TRAK2: variants seen among roughly 807,000 people sequenced by gnomAD.
The protein encoded by TRAK2 is trafficking kinesin protein 2.
A neutral mutation model predicts 104.6 loss-of-function variants in TRAK2; 81 were observed. That is an observed-to-expected ratio of 0.77 (90% confidence interval 0.65 to 0.93). TRAK2 has a LOEUF of 0.93. TRAK2 is among the 40% of genes least tolerant of loss of function. The pLI is 0.00. For missense variants in TRAK2, 1,002 were observed against 1,089.0 expected, an observed-to-expected ratio of 0.92 and a Z score of 1.12; for synonymous variants, 406 against 394.4, an observed-to-expected ratio of 1.03 and a Z score of -0.35.
chr2:201,442,769 G>A (rs1374264116), intron 1 of TRAK2, among the ~76,000 whole-genome samples: 4 of 152,140 alleles, frequency 2.6e-5, no homozygotes, highest in Non-Finnish European at 5.9e-5. Flanking sequence ...GCTCCAAACT[G>A]AGAATTATGG....
intron 12 of TRAK2, 43 bp downstream of exon 12, chr2:201,389,257 T>C (rs376324005): frequency 1.3e-6 from 2 of 1,563,480 alleles, no homozygotes; most frequent in African/African-American, 2.7e-5. Flanking sequence ...GGTGCGGCAA[T>C]GTGAAAAGAA....
chr2:201,399,208 C>A (rs151018316), intron 5 of TRAK2, among the ~76,000 whole-genome samples, 169 bp downstream of exon 5: 24 of 152,208 alleles, frequency 1.6e-4, no homozygotes, highest in Admixed American at 3.9e-4. Context: ...CTCCTCTGTA[C>A]AATTAACATT....
chr2:201,416,226 TAA>T (rs11398184), intron 2 of TRAK2, among the ~76,000 whole-genome samples: 10 of 90,838 alleles, frequency 1.1e-4, no homozygotes, highest in Admixed American at 2.7e-4. Context: ...GACTCTACAT[TAA>T]AAAAAAAAAA....
chr2:201,422,043 C>G (rs1288857454), intron 1 of TRAK2, among the ~76,000 whole-genome samples: 1 of 109,226 alleles, frequency 9.2e-6, no homozygotes, highest in Non-Finnish European at 1.9e-5. Flanking sequence ...GAGCAAGACT[C>G]TGTCTCAAAA....
In TRAK2 at chr2:201,387,783, G is replaced by A; in HGVS notation, c.1616C>T (p.Ser539Leu). 1 of 1,614,132 alleles carries A rather than the reference G, an allele frequency of 6.2e-7. No homozygotes were observed. Among genetic ancestry groups the A allele is most frequent in the Non-Finnish European group, 8.5e-7 (1 of 1,179,990 alleles). Residue 539 changes from serine (S) to leucine (L), a missense_variant, in exon 13 of 16, where the codon TCA becomes TTA. By Grantham distance (145) the Ser-to-Leu change is moderately radical. Coordinates refer to ENST00000332624, the MANE Select transcript of TRAK2 (RefSeq NM_015049.3). ...GGCACTGCTGAGGTCTGTGATCTCT[G>A]ACTGGGTGGTGCAGAGAGAGGCAAG... is the stretch of plus-strand genomic sequence containing the variant. ...ESLASLCTTQSEITDLSSASC... is the reference protein window; with the variant it reads ...ESLASLCTTQLEITDLSSASC...
intron 1 of TRAK2, among the ~76,000 whole-genome samples, chr2:201,421,419 T>C (rs1951739615): frequency 6.6e-6 from 1 of 152,194 alleles, no homozygotes; most frequent in Non-Finnish European, 1.5e-5. Context: ...GGTTTTTTAA[T>C]CTTGGAAAAT....
At chr2:201,389,249 T>C in intron 12 of TRAK2, 51 bp downstream of exon 12, 1 of 1,527,770 alleles carries the variant, frequency 6.5e-7, no homozygotes, top group Non-Finnish European at 9.1e-7. Context: ...GTGAATCTGG[T>C]GCGGCAATGT....
intron 14 of TRAK2, among the ~76,000 whole-genome samples, chr2:201,384,614 T>A (rs1475337459): frequency 6.6e-6 from 1 of 152,194 alleles, no homozygotes; most frequent in African/African-American, 2.4e-5. Context: ...AGAGGCCTTT[T>A]CTTTTTGACT....
Position 201,380,362 on chromosome 2 carries a change from T to A in TRAK2, c.*181A>T. The stretch of plus-strand genomic sequence containing the variant: ...TGGCCCATTCATTTATACTTTCAAT[T>A]TGCCCGACTTCCTCCATTAGGGCTC... On this transcript the variant is annotated 3_prime_UTR_variant, in exon 16 of 16. Coordinates refer to ENST00000332624, the MANE Select transcript of TRAK2 (RefSeq NM_015049.3). 1.5e-6 allele frequency: 1 copy of A among 650,972 alleles called. No individual in the cohort carries two copies. The highest frequency in any genetic ancestry group is 2.6e-6 in the Non-Finnish European group (1 of 380,760). 40.3% of individuals were successfully genotyped at this position (650,972 alleles called of 1,614,324 possible). A position where few individuals can be genotyped will look rare whatever the true frequency, so the allele number is the denominator to read the frequency against.
intron 4 of TRAK2, 21 bp from the exon 5 acceptor site, chr2:201,399,514 C>T (rs760656915): frequency 2.2e-5 from 35 of 1,580,898 alleles, no homozygotes; most frequent in African/African-American, 2.7e-5. Flanking sequence ...ACCAAATACA[C>T]CTTTTCTTTG....
chr2:201,380,230 A>G lies in TRAK2; in HGVS notation c.*313T>C. ...GTGCCAGCAAGTTCAGTATCTCTGT[A>G]TGTTTTAGTATTACTGAATTTATTT... On this transcript the variant is annotated 3_prime_UTR_variant, in exon 16 of 16. Transcript: ENST00000332624. 5.8e-6 allele frequency: 2 copies of G among 342,820 alleles called. No homozygotes were observed. The highest frequency in any genetic ancestry group is 7.9e-5 in the South Asian group (2 of 25,208). 21.2% of individuals were successfully genotyped at this position (342,820 alleles called of 1,614,324 possible).
intron 14 of TRAK2, among the ~76,000 whole-genome samples, chr2:201,385,229 T>A (rs1462137024): frequency 1.3e-5 from 2 of 152,218 alleles, no homozygotes; most frequent in African/African-American, 4.8e-5. Context: ...AAAATCTGCA[T>A]AACTCCATGA....
intron 8 of TRAK2, 104 bp downstream of exon 8, chr2:201,395,210 G>A: frequency 2.1e-6 from 2 of 973,460 alleles, no homozygotes; most frequent in Non-Finnish European, 1.5e-6. Context: ...TTTTAAAAGG[G>A]CAGGGACAAT....
rs746715829 is a variant in TRAK2 at position 201,398,166 on chromosome 2, C to T, written c.669G>A (p.Glu223=). The T allele has an allele frequency of 8.7e-6, 14 of 1,613,528 alleles. No individual in the cohort carries two copies. In the Admixed American group the frequency reaches 2.2e-4, roughly 25 times the overall value. Residue 223 remains glutamate (E), a synonymous_variant, in exon 6 of 16, where the codon GAG becomes GAA. Coordinates refer to ENST00000332624, the MANE Select transcript of TRAK2 (RefSeq NM_015049.3). ...LQEKLKELEE[E]NMALRSKACH... ...GTACCTTGGATCGAAGAGCCATATTCTCTTCTTCCAGTTCCTTGAGCTTTT... is the reference window on the plus strand; with the variant it reads ...GTACCTTGGATCGAAGAGCCATATTTTCTTCTTCCAGTTCCTTGAGCTTTT...
chr2:201,384,750 T>A (rs1283576185), intron 14 of TRAK2, among the ~76,000 whole-genome samples: 2 of 152,202 alleles, frequency 1.3e-5, no homozygotes, highest in African/African-American at 2.4e-5. Flanking sequence ...TGGTATTTTT[T>A]AAAAAGCCAT....
chr2:201,384,807 A>C (rs1576503900), intron 14 of TRAK2, among the ~76,000 whole-genome samples: 2 of 152,278 alleles, frequency 1.3e-5, no homozygotes, highest in Admixed American at 1.3e-4. Flanking sequence ...TTATCTATTA[A>C]ATTTTGGATC....
intron 1 of TRAK2, among the ~76,000 whole-genome samples, chr2:201,423,052 C>CACAG (rs1951757030): frequency 6.7e-6 from 1 of 148,314 alleles, no homozygotes; most frequent in Non-Finnish European, 1.5e-5. Context: ...CACACACACA[C>CACAG]ACACACACAC....
intron 1 of TRAK2, among the ~76,000 whole-genome samples, chr2:201,425,000 A>C (rs989620911): frequency 6.6e-6 from 1 of 152,248 alleles, no homozygotes; most frequent in African/African-American, 2.4e-5. Context: ...AACATGTGAC[A>C]ATTATGAAAT....
rs73988788 is a variant in TRAK2, at chr2:201,438,789, A to T, written c.-200+12561T>A. Among the ~76,000 whole-genome samples the T allele has an allele frequency of 3.5e-3, 532 of 152,360 alleles. 4 individuals are homozygous for T. Among genetic ancestry groups the T allele is most frequent in the African/African-American group, 0.012 (501 of 41,578 alleles). ...TTGAGCAATTTATATTTGCTTTTAG[A>T]AATGACTTATCTGGTTCCAGAGTTG... On this transcript the variant is annotated intron_variant, in intron 1 of 15. Coordinates refer to ENST00000332624, the MANE Select transcript of TRAK2 (RefSeq NM_015049.3).
Sources: gnomAD v4.1 joint callset for allele counts (sites outside exome capture counted in the v4.1 genomes callset) on GRCh38, gnomAD v4.1.1 for gene constraint, MANE v1.5 for transcripts, NCBI Gene and HGNC (gene_info 2026-07-23, HGNC 2026-07-21) for gene names.